Variants in STAC observed in about 807,000 individuals in gnomAD.
STAC encodes SH3 and cysteine-rich domain-containing protein.
In STAC, 43 loss-of-function variants were observed where a neutral mutation model predicts 48.8. The ratio of observed to expected loss-of-function variants is 0.88; its 90% CI spans 0.69 to 1.14. The LOEUF (loss-of-function observed/expected upper bound fraction) is 1.14. Ranked by LOEUF, STAC falls within the 50% of genes most tolerant of loss-of-function variation. STAC has a pLI of 0.00. For missense variants in STAC, 497 were observed against 504.0 expected (o/e 0.99, Z 0.13); for synonymous variants, 193 against 179.5 (o/e 1.07, Z -0.60).
chr3:36,546,166 GT>G, intron 10 of STAC, 24 bp from the exon 11 acceptor site: 3 of 1,595,300 alleles, frequency 1.9e-6, no homozygotes, highest in African/African-American at 1.3e-5. Context: ...AAAGTATTTT[GT>G]TTTTTTTCTT....
At chr3:36,472,308 C>A (rs990242598) in intron 2 of STAC, among the ~76,000 whole-genome samples, 14 of 152,232 alleles carry the variant, frequency 9.2e-5, no homozygotes, top group Admixed American at 5.2e-4. Context: ...GAAACCACTT[C>A]TTCTTCCTGT....
intron 8 of STAC, among the ~76,000 whole-genome samples, chr3:36,514,124 A>G (rs1388357335): frequency 6.6e-6 from 1 of 150,764 alleles, no homozygotes; most frequent in Non-Finnish European, 1.5e-5. Context: ...GCCCTGGGGT[A>G]AAATCTAGAA....
chr3:36,399,816 G>A (rs750518120), intron 1 of STAC, among the ~76,000 whole-genome samples: 1 of 152,158 alleles, frequency 6.6e-6, no homozygotes, highest in African/African-American at 2.4e-5. Context: ...TGAAGTCATA[G>A]ATAAATCAAA....
At chr3:36,484,373 C>G (rs1049464756) in intron 3 of STAC, among the ~76,000 whole-genome samples, 12 of 152,174 alleles carry the variant, frequency 7.9e-5, no homozygotes, top group African/African-American at 2.7e-4. Context: ...TCTATTTACT[C>G]TGATTTGCAA....
At chr3:36,434,348 T>C (rs1272582125) in intron 1 of STAC, among the ~76,000 whole-genome samples, 3 of 152,172 alleles carry the variant, frequency 2.0e-5, no homozygotes, top group African/African-American at 7.2e-5. Context: ...CTTTATTCAA[T>C]GAACAAGGCA....
intron 5 of STAC, among the ~76,000 whole-genome samples, chr3:36,488,901 C>T (rs560049789): frequency 3.3e-5 from 5 of 152,104 alleles, no homozygotes; most frequent in Non-Finnish European, 7.4e-5. Context: ...GTCAGAACAA[C>T]GATGCCCAAA....
chr3:36,462,435 T>C (rs1697045975), intron 2 of STAC, among the ~76,000 whole-genome samples: 1 of 152,080 alleles, frequency 6.6e-6, no homozygotes, highest in African/African-American at 2.4e-5. Flanking sequence ...AATTTTGAAA[T>C]AATCATCATA....
At chr3:36,433,390 A>G (rs576319374) in intron 1 of STAC, among the ~76,000 whole-genome samples, 1 of 152,344 alleles carries the variant, frequency 6.6e-6, no homozygotes, top group Admixed American at 6.5e-5. Flanking sequence ...GGAACCTGGT[A>G]TAACCTAGAA....
chr3:36,386,092 C>T (rs1037364089), intron 1 of STAC, among the ~76,000 whole-genome samples: 4 of 152,160 alleles, frequency 2.6e-5, no homozygotes, highest in East Asian at 1.9e-4. Context: ...ACTTCATATT[C>T]CTGCCAGCAA....
At chr3:36,472,256 G>T (rs1487737946) in intron 2 of STAC, among the ~76,000 whole-genome samples, 1 of 152,224 alleles carries the variant, frequency 6.6e-6, no homozygotes, top group African/African-American at 2.4e-5. Flanking sequence ...CTGGGACACA[G>T]GGCACCAAGT....
intron 8 of STAC, among the ~76,000 whole-genome samples, chr3:36,517,035 C>T (rs564015572): frequency 6.6e-6 from 1 of 152,212 alleles, no homozygotes; most frequent in African/African-American, 2.4e-5. Flanking sequence ...CTGTGATATC[C>T]AATATTTATC....
intron 2 of STAC, among the ~76,000 whole-genome samples, chr3:36,463,106 T>G (rs1340884151): frequency 1.3e-5 from 2 of 152,182 alleles, no homozygotes; most frequent in Non-Finnish European, 2.9e-5. Context: ...TAAGTAAGAT[T>G]GATCTGTAGT....
chr3:36,419,301 G>A (rs147062781), intron 1 of STAC, among the ~76,000 whole-genome samples: 41 of 152,122 alleles, frequency 2.7e-4, no homozygotes, highest in African/African-American at 9.4e-4. Context: ...TGGCTTTAGT[G>A]TGGCTCTTTG....
At chr3:36,426,961 T>C (rs554053363) in intron 1 of STAC, among the ~76,000 whole-genome samples, 1 of 152,302 alleles carries the variant, frequency 6.6e-6, no homozygotes, top group South Asian at 2.1e-4. Context: ...AAAATGTAAG[T>C]GTGACAGCTA....
chr3:36,537,350 ATAC>A (rs1263341297), intron 10 of STAC, among the ~76,000 whole-genome samples: 12 of 152,250 alleles, frequency 7.9e-5, no homozygotes, highest in African/African-American at 2.7e-4. Flanking sequence ...ACACCATAGA[ATAC>A]TATGCAGCCA....
intron 7 of STAC, among the ~76,000 whole-genome samples, chr3:36,504,977 A>C (rs1412046697): frequency 6.6e-6 from 1 of 152,132 alleles, no homozygotes; most frequent in Non-Finnish European, 1.5e-5. Context: ...GTTTATTATA[A>C]AGCATAAATG....
chr3:36,449,800 G>A (rs1696629413), intron 2 of STAC, among the ~76,000 whole-genome samples: 1 of 152,174 alleles, frequency 6.6e-6, no homozygotes, highest in Non-Finnish European at 1.5e-5. Context: ...TTGTGCTCTG[G>A]AGCATTGCGT....
chr3:36,513,918 G>A (rs1241545437), intron 8 of STAC, among the ~76,000 whole-genome samples: 1 of 152,060 alleles, frequency 6.6e-6, no homozygotes, highest in Non-Finnish European at 1.5e-5. Flanking sequence ...AATAAAAAGT[G>A]TGGGCATCAG....
chr3:36,486,254 T>C lies in STAC; in HGVS notation c.687+5T>C, dbSNP rs759548974. 1 of 1,611,788 alleles carries C rather than the reference T, an allele frequency of 6.2e-7. No homozygotes were observed. The highest frequency in any genetic ancestry group is 8.5e-7 in the Non-Finnish European group (1 of 1,178,428). On this transcript the variant is annotated splice_donor_5th_base_variant and intron_variant, in intron 5 of 10. Coordinates refer to ENST00000273183, the MANE Select transcript of STAC (RefSeq NM_003149.3). ...GACTCACCTCACAGAACCTCTGTAA[T>C]TATCCTCTTCCTTCCTCGGTTTGTC...
Sources: allele counts gnomAD v4.1 joint callset (sites outside exome capture counted in the v4.1 genomes callset), GRCh38; gene constraint gnomAD v4.1.1; transcripts MANE v1.5; gene names NCBI Gene and HGNC (gene_info 2026-07-23, HGNC 2026-07-21).